Variants in RASSF3 observed in about 807,000 individuals in gnomAD.
RASSF3 encodes Ras association domain family member 3.
A neutral mutation model predicts 19.9 loss-of-function variants in RASSF3; 19 were observed. That is an observed-to-expected ratio of 0.96 (90% CI 0.67 to 1.40). The LOEUF (loss-of-function observed/expected upper bound fraction) is 1.40. Ranked by LOEUF, RASSF3 falls within the 40% of genes most tolerant of loss-of-function variation. The pLI, the probability that RASSF3 is intolerant of heterozygous loss-of-function variation, is 0.00. For missense variants in RASSF3, 306 were observed against 289.8 expected, an observed-to-expected ratio of 1.06 and a Z score of -0.41; for synonymous variants, 110 against 104.2, an observed-to-expected ratio of 1.06 and a Z score of -0.34.
chr12:64,632,982 C>T (rs1415185004), intron 1 of RASSF3, among the ~76,000 whole-genome samples: 1 of 152,130 alleles, frequency 6.6e-6, no homozygotes, highest in Non-Finnish European at 1.5e-5. Context: ...ACAAATAGCT[C>T]AAAATTAGCA....
intron 1 of RASSF3, among the ~76,000 whole-genome samples, chr12:64,634,737 C>A: frequency 7.3e-6 from 1 of 136,644 alleles, no homozygotes; most frequent in East Asian, 2.1e-4. Context: ...CTCCAGCCTG[C>A]ACGACACAGC....
chr12:64,544,203 C>T (rs1476625869), downstream of RASSF3, among the ~76,000 whole-genome samples: 1 of 152,086 alleles, frequency 6.6e-6, no homozygotes, highest in Admixed American at 6.6e-5. Flanking sequence ...CGAAGGTCTG[C>T]AGCTTCACTC....
At chr12:64,604,994 A>AT (rs200429125) in intron 2 of RASSF3, among the ~76,000 whole-genome samples, 52 of 135,000 alleles carry the variant, frequency 3.9e-4, no homozygotes, top group African/African-American at 1.0e-3. Flanking sequence ...TTTTATTTTT[A>AT]TTTTTTTTTT....
chr12:64,604,526 C>G (rs1312205344), intron 2 of RASSF3, among the ~76,000 whole-genome samples: 1 of 152,116 alleles, frequency 6.6e-6, no homozygotes, highest in Non-Finnish European at 1.5e-5. Context: ...ATGGAAGCAA[C>G]CAGGGTGATA....
chr12:64,557,982 C>G (rs899599277), intron 2 of RASSF3, among the ~76,000 whole-genome samples: 3 of 152,106 alleles, frequency 2.0e-5, no homozygotes, highest in African/African-American at 7.2e-5. Context: ...CTGGCTGAGG[C>G]TTTTTGGGCA....
chr12:64,679,764 A>ACT (rs2136214895), intron 1 of RASSF3, among the ~76,000 whole-genome samples: 1 of 152,176 alleles, frequency 6.6e-6, no homozygotes, highest in East Asian at 1.9e-4. Context: ...TTGTGGAAGA[A>ACT]CTCTTCCTCT....
At chr12:64,566,729 A>G (rs1416277557) in intron 2 of RASSF3, among the ~76,000 whole-genome samples, 3 of 152,190 alleles carry the variant, frequency 2.0e-5, no homozygotes, top group Non-Finnish European at 2.9e-5. Context: ...TATCACTGTG[A>G]GAAGCCCACA....
At chr12:64,648,087 C>T (rs970856652) in intron 1 of RASSF3, among the ~76,000 whole-genome samples, 1 of 152,160 alleles carries the variant, frequency 6.6e-6, no homozygotes, top group African/African-American at 2.4e-5. Flanking sequence ...GGATCATAGA[C>T]ATGTGAACAC....
chr12:64,627,361 A>G (rs1871031351), intron 1 of RASSF3, among the ~76,000 whole-genome samples: 1 of 152,174 alleles, frequency 6.6e-6, no homozygotes, highest in Non-Finnish European at 1.5e-5. Flanking sequence ...TGCTTTATGA[A>G]TTGATGATTG....
chr12:64,669,659 TCTC>T (rs1394192339), intron 1 of RASSF3, among the ~76,000 whole-genome samples: 2 of 151,840 alleles, frequency 1.3e-5, no homozygotes, highest in Non-Finnish European at 2.9e-5. Flanking sequence ...GGGCTGCTGT[TCTC>T]CTTGACCCGT....
intron 4 of RASSF3, among the ~76,000 whole-genome samples, chr12:64,693,724 T>C (rs1868317378): frequency 6.6e-6 from 1 of 152,188 alleles, no homozygotes; most frequent in South Asian, 2.1e-4. Context: ...TGAGCCACAA[T>C]GCCCAGCCTA....
intron 1 of RASSF3, among the ~76,000 whole-genome samples, chr12:64,646,438 A>G (rs566589426): frequency 6.6e-6 from 1 of 152,218 alleles, no homozygotes; most frequent in Non-Finnish European, 1.5e-5. Context: ...AGGAGAAAGG[A>G]ACTCCCAAGG....
chr12:64,534,757 G>A (rs1181390314), intron 1 of RASSF3, among the ~76,000 whole-genome samples: 1 of 152,146 alleles, frequency 6.6e-6, no homozygotes, highest in Non-Finnish European at 1.5e-5. Flanking sequence ...AATTCTACCT[G>A]ATCTTAAGCC....
At chr12:64,606,817 AAAAAC>A (rs370857118), upstream of RASSF3, among the ~76,000 whole-genome samples, 914 of 152,300 alleles carry the variant, frequency 6.0e-3, 10 homozygotes, top group African/African-American at 0.021. Context: ...TGCGTCTCAA[AAAAAC>A]AAAACAAAAC....
At chr12:64,642,282 G>A (rs1197696324) in intron 1 of RASSF3, among the ~76,000 whole-genome samples, 1 of 151,760 alleles carries the variant, frequency 6.6e-6, no homozygotes, top group African/African-American at 2.4e-5. Flanking sequence ...ATCAAGGGCC[G>A]GGCCCGGTTT....
upstream of RASSF3, among the ~76,000 whole-genome samples, chr12:64,530,818 A>G (rs1267572532): frequency 2.0e-5 from 3 of 152,184 alleles, no homozygotes; most frequent in Non-Finnish European, 4.4e-5. Flanking sequence ...CTAGTGACTA[A>G]TAATATTGAG....
chr12:64,575,545 C>A (rs988625988), intron 2 of RASSF3: 7 of 152,054 alleles, frequency 4.6e-5, no homozygotes, highest in African/African-American at 1.7e-4. Flanking sequence ...GCCCGGGCAA[C>A]CTCACCTCTG....
At chr12:64,636,722 C>T (rs556207840) in intron 1 of RASSF3, among the ~76,000 whole-genome samples, 3 of 152,002 alleles carry the variant, frequency 2.0e-5, no homozygotes, top group East Asian at 1.9e-4. Context: ...CAAAATTAGC[C>T]GGGCATGGTG....
chr12:64,528,736 C>T (rs12317855), upstream of RASSF3, among the ~76,000 whole-genome samples: 13,824 of 152,200 alleles, frequency 0.091, 744 homozygotes, highest in Middle Eastern at 0.22. Context: ...TGCTGGATAA[C>T]GGTGCACAGG....
Sources: allele counts gnomAD v4.1 joint callset (sites outside exome capture counted in the v4.1 genomes callset), GRCh38; gene constraint gnomAD v4.1.1; transcripts MANE v1.5; gene names NCBI Gene and HGNC (gene_info 2026-07-23, HGNC 2026-07-21).